The following FANCD2 variants were observed in gnomAD, a reference collection of about 807,000 sequenced individuals.
The protein encoded by FANCD2 is FA complementation group D2.
FANCD2 carries 131 observed loss-of-function variants against 192.3 expected under a neutral mutation model. The ratio of observed to expected loss-of-function variants is 0.68; its 90% CI spans 0.59 to 0.79. The LOEUF (loss-of-function observed/expected upper bound fraction) is 0.79, where lower values mean the gene tolerates loss of function less well. FANCD2 is among the 30% of genes least tolerant of loss of function. The pLI, the probability that FANCD2 is intolerant of heterozygous loss-of-function variation, is 0.00. For synonymous variants in FANCD2, 524 were observed against 612.5 expected (o/e 0.86, Z 2.13); for missense variants, 1,508 against 1,701.6 (o/e 0.89, Z 2.00).
chr3:10,064,680 C>G (rs1483586519), intron 22 of FANCD2, 49 bp from the exon 23 acceptor site: 3 of 1,601,890 alleles, frequency 1.9e-6, no homozygotes, highest in Non-Finnish European at 2.6e-6. Flanking sequence ...TTCCCTGTAG[C>G]CTTGCGTATT....
At chr3:10,042,426 T>G (rs546107174) in intron 10 of FANCD2, 133 bp from the exon 11 acceptor site, 1 of 747,600 alleles carries the variant, frequency 1.3e-6, no homozygotes, top group Admixed American at 2.2e-5. Flanking sequence ...TCTAAAATTT[T>G]GTTTTTCCCT....
At chr3:10,089,035 C>T in intron 36 of FANCD2, 85 bp downstream of exon 36, 1 of 1,480,980 alleles carries the variant, frequency 6.8e-7, no homozygotes, top group Non-Finnish European at 9.4e-7. Flanking sequence ...GTAATCCCAG[C>T]ACTTTGGGAG....
At chr3:10,041,364 ATAG>A (rs1427000653) in intron 9 of FANCD2, 1 of 409,134 alleles carries the variant, frequency 2.4e-6, no homozygotes, top group East Asian at 4.9e-5. Flanking sequence ...ACCAAACTAA[ATAG>A]TGGTGTTCTC....
intron 18 of FANCD2, among the ~76,000 whole-genome samples, chr3:10,059,139 G>C (rs1320756388): frequency 2.0e-5 from 3 of 151,890 alleles, no homozygotes; most frequent in Non-Finnish European, 2.9e-5. Context: ...CCAGCCTTCC[G>C]AGTAGCCAGG....
intron 30 of FANCD2, among the ~76,000 whole-genome samples, chr3:10,078,823 CG>C: frequency 6.6e-6 from 1 of 151,592 alleles, no homozygotes; most frequent in East Asian, 2.0e-4. Context: ...AAGAACTAGC[CG>C]GGCATGGTGG....
At chr3:10,050,848 A>T (rs1174624483) in intron 17 of FANCD2, among the ~76,000 whole-genome samples, 1 of 152,106 alleles carries the variant, frequency 6.6e-6, no homozygotes, top group African/African-American at 2.4e-5. Context: ...GCACTTTGGG[A>T]GGCCGAGGCG....
chr3:10,057,149 C>T (rs1270885958), intron 18 of FANCD2, among the ~76,000 whole-genome samples: 1 of 152,210 alleles, frequency 6.6e-6, no homozygotes, highest in East Asian at 1.9e-4. Flanking sequence ...AGCCACCGTG[C>T]TCAGCCCTTT....
At chr3:10,057,551 G>C (rs1199337085) in intron 18 of FANCD2, among the ~76,000 whole-genome samples, 1 of 151,986 alleles carries the variant, frequency 6.6e-6, no homozygotes, top group South Asian at 2.1e-4. Flanking sequence ...TTTTAGTAGA[G>C]ACGGGGTTTC....
chr3:10,041,605 T>C lies in FANCD2; in HGVS notation c.696-18T>C. On this transcript the variant is annotated intron_variant, in intron 9 of 43. Coordinates refer to ENST00000675286, the MANE Select transcript of FANCD2 (RefSeq NM_001018115.3). ...TTCAAACCATTATACAACTTTTTTC[T>C]TTTTCTACCATTCACAGTGACCTAC... 1.9e-6 allele frequency: 3 copies of C among 1,581,418 alleles called. No individual in the cohort carries two copies. The highest frequency in any genetic ancestry group is 2.6e-6 in the Non-Finnish European group (3 of 1,150,278).
chr3:10,069,715 C>T (rs1481662990), intron 26 of FANCD2, among the ~76,000 whole-genome samples: 5 of 152,180 alleles, frequency 3.3e-5, no homozygotes, highest in Non-Finnish European at 7.3e-5. Context: ...CCGCTAGCCT[C>T]AGCCTCCCGA....
chr3:10,033,056 T>C (rs533583659), intron 3 of FANCD2, 84 bp downstream of exon 3: 8 of 1,150,896 alleles, frequency 7.0e-6, no homozygotes, highest in Non-Finnish European at 9.0e-6. Context: ...AGAGAGGCAA[T>C]GAAGATTAGA....
At position 10,065,970 on chromosome 3, in the gene FANCD2, G is replaced by A; in HGVS notation, c.2376G>A (p.Trp792Ter). 6.3e-7 allele frequency: 1 copy of A among 1,592,570 alleles called. No homozygotes were observed. The highest frequency in any genetic ancestry group is 8.6e-7 in the Non-Finnish European group (1 of 1,160,482). ...MCSLIFLTLN[W>*]FREIVNAFCQ... Reference sequence around the variant, plus strand: ...CTCTCATATTTCTTACTCTCAACTGGTTCCGAGAGGTGAGCAGAGTTAATA... The same window carrying A: ...CTCTCATATTTCTTACTCTCAACTGATTCCGAGAGGTGAGCAGAGTTAATA... The change falls in exon 25 of 44, where the codon TGG becomes TGA. Residue 792 changes from tryptophan to a stop codon, truncating the protein, a stop_gained. Coordinates refer to ENST00000675286, the MANE Select transcript of FANCD2 (RefSeq NM_001018115.3). LOFTEE classifies it high-confidence loss of function.
intron 26 of FANCD2, among the ~76,000 whole-genome samples, chr3:10,070,357 G>A (rs916436551): frequency 1.4e-5 from 2 of 143,680 alleles, no homozygotes; most frequent in African/African-American, 2.7e-5. Flanking sequence ...CAGGCCAGCC[G>A]CCCCGTCCGG....
chr3:10,040,783 T>A, intron 9 of FANCD2: 1 of 337,226 alleles, frequency 3.0e-6, no homozygotes, highest in Non-Finnish European at 5.7e-6. Flanking sequence ...ATCCAGTGAT[T>A]TCTTGCCCTC....
intron 27 of FANCD2, 28 bp from the exon 28 acceptor site, chr3:10,073,225 A>G (rs1559394681): frequency 6.4e-7 from 1 of 1,550,506 alleles, no homozygotes; most frequent in Non-Finnish European, 8.9e-7. Flanking sequence ...TAATTACTTG[A>G]GTCACTTTTC....
At chr3:10,040,881 T>C (rs2086846962) in intron 9 of FANCD2, 1 of 200,374 alleles carries the variant, frequency 5.0e-6, no homozygotes, top group Non-Finnish European at 1.0e-5. Flanking sequence ...TTTTGTATAG[T>C]CTTTTTTTTT....
chr3:10,082,149 C>T (rs35793548), intron 32 of FANCD2, among the ~76,000 whole-genome samples: 4,627 of 152,312 alleles, frequency 0.03, 240 homozygotes, highest in African/African-American at 0.11. Flanking sequence ...GCTCCTTCAG[C>T]TTTGCCTGGC....
At chr3:10,045,194 G>T (rs2086970355) in intron 14 of FANCD2, among the ~76,000 whole-genome samples, 2 of 126,110 alleles carry the variant, frequency 1.6e-5, no homozygotes, top group African/African-American at 3.4e-5. Context: ...TTTGAGACGG[G>T]TTCTCACTCT....
chr3:10,051,819 A>G (rs2087228604), intron 17 of FANCD2, among the ~76,000 whole-genome samples: 2 of 152,192 alleles, frequency 1.3e-5, no homozygotes. Context: ...TATTATTATC[A>G]CCATGTTATA....
Sources: gnomAD v4.1 joint callset for allele counts (sites outside exome capture counted in the v4.1 genomes callset) on GRCh38, gnomAD v4.1.1 for gene constraint, MANE v1.5 for transcripts, NCBI Gene and HGNC (gene_info 2026-07-23, HGNC 2026-07-21) for gene names.